Variants in SRPK2 observed in about 807,000 individuals in gnomAD.
SRPK2 encodes SFRS protein kinase 2.
SRPK2 carries 21 observed loss-of-function variants against 90.8 expected under a neutral mutation model. The ratio of observed to expected loss-of-function variants is 0.23; its 90% CI spans 0.16 to 0.33. The LOEUF is 0.33. Ranked by LOEUF, SRPK2 falls within the 10% of genes least tolerant of loss-of-function variation. The pLI, the probability that SRPK2 is intolerant of heterozygous loss-of-function variation, is 1.00. For missense variants in SRPK2, 620 were observed against 869.0 expected (o/e 0.71, Z 3.60); for synonymous variants, 288 against 311.1 (o/e 0.93, Z 0.78).
intron 2 of SRPK2, 130 bp from the exon 3 acceptor site, chr7:105,203,915 T>A: frequency 8.6e-7 from 1 of 1,158,088 alleles, no homozygotes; most frequent in Non-Finnish European, 1.2e-6. Context: ...TCATTTAATG[T>A]CACTTCACCC....
chr7:105,297,388 C>T (rs1472646637), intron 2 of SRPK2: 4 of 856,630 alleles, frequency 4.7e-6, no homozygotes, highest in Non-Finnish European at 5.6e-6. Context: ...ATACAGCTAT[C>T]ACGTTTTCAC....
chr7:105,233,439 A>G (rs1644192277), intron 2 of SRPK2, among the ~76,000 whole-genome samples: 1 of 152,264 alleles, frequency 6.6e-6, no homozygotes, highest in Admixed American at 6.5e-5. Flanking sequence ...ATATCAACAA[A>G]GATAATGGAC....
In SRPK2 at chr7:105,362,218, A is replaced by G. The variant is rs1818505496; in HGVS notation, c.71+26430T>C. Among the ~76,000 whole-genome samples, 7 of 152,228 alleles carry G rather than the reference A, an allele frequency of 4.6e-5. No individual in the cohort carries two copies. The South Asian group carries it at 1.2e-3, about 27-fold the overall frequency. ...AGACATTTATGCAGCCAACAGACAC[A>G]TGAAAAAATGTTCATCATCACTGGC... On this transcript the variant is annotated intron_variant, in intron 2 of 15. Coordinates refer to ENST00000393651, the MANE Select transcript of SRPK2 (RefSeq NM_182692.3).
chr7:105,388,937 C>G (rs1822003633), upstream of SRPK2: 17 of 1,192,224 alleles, frequency 1.4e-5, no homozygotes, highest in South Asian at 4.5e-4. Flanking sequence ...GCCGCCGCCG[C>G]CGCCGCTCCA....
At chr7:105,170,878 AG>A (rs1365396412) in intron 3 of SRPK2, among the ~76,000 whole-genome samples, 3 of 133,420 alleles carry the variant, frequency 2.2e-5, no homozygotes, top group Non-Finnish European at 3.2e-5. Flanking sequence ...AAAGAAAGAA[AG>A]AAAGAAAGAA....
chr7:105,278,211 G>C (rs1370155967), intron 2 of SRPK2, among the ~76,000 whole-genome samples: 1 of 151,560 alleles, frequency 6.6e-6, no homozygotes, highest in Admixed American at 6.6e-5. Context: ...AGCTACTCAG[G>C]AGGCTGAGGC....
At chr7:105,230,846 T>G (rs1000372228) in intron 2 of SRPK2, among the ~76,000 whole-genome samples, 4 of 152,238 alleles carry the variant, frequency 2.6e-5, no homozygotes, top group African/African-American at 9.6e-5. Context: ...TAAAAAAAAG[T>G]ATACAACTAT....
intron 2 of SRPK2, among the ~76,000 whole-genome samples, chr7:105,231,035 G>GT (rs1799363128): frequency 6.6e-6 from 1 of 152,164 alleles, no homozygotes; most frequent in Non-Finnish European, 1.5e-5. Context: ...GATTATTGTA[G>GT]TAAGCCTAGT....
At chr7:105,132,975 A>G in intron 12 of SRPK2, 29 bp downstream of exon 12, 1 of 1,613,790 alleles carries the variant, frequency 6.2e-7, no homozygotes, top group Non-Finnish European at 8.5e-7. Context: ...AATCAAGACC[A>G]AAGGTTTTAG....
chr7:105,207,119 T>C (rs1326588882), intron 2 of SRPK2, among the ~76,000 whole-genome samples: 1 of 152,222 alleles, frequency 6.6e-6, no homozygotes, highest in Non-Finnish European at 1.5e-5. Flanking sequence ...AGCCAAGCCA[T>C]ACTGTCTTAG....
chr7:105,262,327 T>C (rs1804413890), intron 2 of SRPK2, among the ~76,000 whole-genome samples: 1 of 152,158 alleles, frequency 6.6e-6, no homozygotes, highest in Non-Finnish European at 1.5e-5. Context: ...AGCTTAAAAC[T>C]TAACACTTCA....
chr7:105,397,582 C>A (rs1822366557), intron 1 of SRPK2, among the ~76,000 whole-genome samples: 1 of 151,994 alleles, frequency 6.6e-6, no homozygotes, highest in Non-Finnish European at 1.5e-5. Context: ...CCTGCCTCAG[C>A]CTCCCAAAGT....
intron 2 of SRPK2, among the ~76,000 whole-genome samples, chr7:105,229,811 G>T (rs1325822395): frequency 6.6e-6 from 1 of 152,050 alleles, no homozygotes; most frequent in Non-Finnish European, 1.5e-5. Flanking sequence ...CAGTGGGTGG[G>T]GGGGAATGGG....
intron 3 of SRPK2, chr7:105,189,691 G>C (rs1415251152): frequency 1.3e-5 from 2 of 152,406 alleles, no homozygotes; most frequent in Non-Finnish European, 2.9e-5. Context: ...AGAATCACTT[G>C]AACCTGGGAG....
At chr7:105,294,968 T>A (rs578162910) in intron 2 of SRPK2, among the ~76,000 whole-genome samples, 1 of 152,220 alleles carries the variant, frequency 6.6e-6, no homozygotes, top group African/African-American at 2.4e-5. Context: ...CCCAGCACTT[T>A]GGGAAACCGA....
chr7:105,118,059 C>G (rs1398641195), intron 15 of SRPK2, 37 bp from the exon 16 acceptor site: 2 of 1,603,850 alleles, frequency 1.2e-6, no homozygotes, highest in South Asian at 2.2e-5. Context: ...CAAGAAAGCT[C>G]CAAATCTGCA....
chr7:105,230,479 G>A (rs1799287236), intron 2 of SRPK2, among the ~76,000 whole-genome samples: 1 of 152,172 alleles, frequency 6.6e-6, no homozygotes, highest in Non-Finnish European at 1.5e-5. Context: ...AACCATCCAT[G>A]TGCTTTAGAA....
At chr7:105,366,378 T>TTTTC (rs1554523929) in intron 2 of SRPK2, among the ~76,000 whole-genome samples, 1 of 150,522 alleles carries the variant, frequency 6.6e-6, no homozygotes, top group African/African-American at 2.5e-5. Context: ...TTTTTTTTTT[T>TTTTC]TTTCTTTTTG....
At chr7:105,352,944 G>C (rs1260790657) in intron 2 of SRPK2, among the ~76,000 whole-genome samples, 1 of 151,722 alleles carries the variant, frequency 6.6e-6, no homozygotes, top group Non-Finnish European at 1.5e-5. Context: ...AGAATTACAT[G>C]ATCCCTCCCT....
Sources: allele counts gnomAD v4.1 joint callset (sites outside exome capture counted in the v4.1 genomes callset), GRCh38; gene constraint gnomAD v4.1.1; transcripts MANE v1.5; gene names NCBI Gene and HGNC (gene_info 2026-07-23, HGNC 2026-07-21).